The following ACTR3C variants were observed in gnomAD, a reference collection of about 807,000 sequenced individuals.
The protein encoded by ACTR3C is actin related protein 3C, also known as actin-related protein 3C.
A neutral mutation model predicts 26.3 loss-of-function variants in ACTR3C; 18 were observed. That is an observed-to-expected ratio of 0.68 (90% CI 0.47 to 1.01). The LOEUF (loss-of-function observed/expected upper bound fraction) is 1.01, where lower values mean the gene tolerates loss of function less well. Ranked by LOEUF, ACTR3C falls within the 50% of genes least tolerant of loss-of-function variation. The pLI, the probability that ACTR3C is intolerant of heterozygous loss-of-function variation, is 0.00. For synonymous variants in ACTR3C, 55 were observed against 94.5 expected (o/e 0.58, Z 2.42); for missense variants, 184 against 250.7 (o/e 0.73, Z 1.80).
At chr7:149,913,488 T>C in the ACTR3C span, among the ~76,000 whole-genome samples, 1 of 152,080 alleles carries the variant, frequency 6.6e-6, no homozygotes, top group Non-Finnish European at 1.5e-5. Context: ...TTTCCAGTTG[T>C]AGCATGGCTT....
the ACTR3C span, among the ~76,000 whole-genome samples, chr7:149,946,061 G>A: frequency 2.0e-4 from 30 of 152,184 alleles, 1 homozygote; most frequent in Non-Finnish European, 4.0e-4. Context: ...CACTTTGGTG[G>A]ATTCTCCCAA....
chr7:150,178,633 C>T, the ACTR3C span, among the ~76,000 whole-genome samples: 1 of 150,590 alleles, frequency 6.6e-6, no homozygotes, highest in Non-Finnish European at 1.5e-5. Context: ...GTAGTTACCA[C>T]AATCTACTGC....
the ACTR3C span, among the ~76,000 whole-genome samples, chr7:149,945,961 C>G: frequency 2.0e-5 from 3 of 152,148 alleles, no homozygotes; most frequent in African/African-American, 7.2e-5. Flanking sequence ...AGACAGGCGA[C>G]CTTGCCAGCC....
At chr7:150,087,885 A>C in the ACTR3C span, among the ~76,000 whole-genome samples, 1 of 152,256 alleles carries the variant, frequency 6.6e-6, no homozygotes, top group Non-Finnish European at 1.5e-5. Flanking sequence ...AACTGCCAAT[A>C]ACTAGGAAAA....
At chr7:150,161,219 T>C in the ACTR3C span, among the ~76,000 whole-genome samples, 5 of 115,312 alleles carry the variant, frequency 4.3e-5, 1 homozygote, top group Admixed American at 9.0e-5. Flanking sequence ...TATATATATA[T>C]ATATATTTAT....
At chr7:150,252,295 G>A (rs1303633637) in intron 6 of ACTR3C, among the ~76,000 whole-genome samples, 1 of 152,112 alleles carries the variant, frequency 6.6e-6, no homozygotes, top group Non-Finnish European at 1.5e-5. Context: ...GACATATAAA[G>A]TATTCATTGC....
the ACTR3C span, among the ~76,000 whole-genome samples, chr7:149,939,524 T>C: frequency 0.92 from 139,330 of 151,982 alleles, 64,526 homozygotes; most frequent in Non-Finnish European, 0.99. Flanking sequence ...AACTAGAGAA[T>C]GACTTCCCGT....
At chr7:150,177,820 G>C in the ACTR3C span, among the ~76,000 whole-genome samples, 10 of 150,604 alleles carry the variant, frequency 6.6e-5, no homozygotes, top group Non-Finnish European at 1.5e-5. Context: ...TTCAGGTATG[G>C]TTGTGCAAAG....
the ACTR3C span, among the ~76,000 whole-genome samples, chr7:150,236,700 A>G: frequency 6.6e-6 from 1 of 151,926 alleles, no homozygotes; most frequent in East Asian, 1.9e-4. Context: ...AGACTGTTCT[A>G]CATATCTTCT....
At chr7:149,970,198 G>A in the ACTR3C span, among the ~76,000 whole-genome samples, 3 of 151,710 alleles carry the variant, frequency 2.0e-5, no homozygotes, top group South Asian at 2.1e-4. Context: ...AAATGCTATC[G>A]TTCTGCACCA....
At chr7:150,208,009 C>T in the ACTR3C span, among the ~76,000 whole-genome samples, 2 of 152,122 alleles carry the variant, frequency 1.3e-5, no homozygotes, top group South Asian at 4.1e-4. Flanking sequence ...ATCCTCCTGC[C>T]CGAAACAAAT....
chr7:150,085,436 C>T, the ACTR3C span, among the ~76,000 whole-genome samples: 2 of 151,794 alleles, frequency 1.3e-5, no homozygotes, highest in Non-Finnish European at 1.5e-5. Flanking sequence ...GAGAGTGTTT[C>T]GAGATGGAAG....
At chr7:149,886,498 A>T in the ACTR3C span, among the ~76,000 whole-genome samples, 36 of 152,310 alleles carry the variant, frequency 2.4e-4, no homozygotes, top group African/African-American at 5.8e-4. Context: ...CTGGAAAAGC[A>T]GAGTATTGAG....
chr7:150,060,402 G>A, the ACTR3C span, among the ~76,000 whole-genome samples: 2 of 152,020 alleles, frequency 1.3e-5, no homozygotes, highest in African/African-American at 4.8e-5. Flanking sequence ...CAGCTTCATG[G>A]ATTTCTCTTT....
the ACTR3C span, among the ~76,000 whole-genome samples, chr7:150,096,796 G>C: frequency 2.0e-5 from 3 of 151,896 alleles, no homozygotes; most frequent in Admixed American, 6.6e-5. Flanking sequence ...TGGAGCCACA[G>C]AAATGAGGGG....
At chr7:150,155,329 T>C in the ACTR3C span, among the ~76,000 whole-genome samples, 1 of 151,946 alleles carries the variant, frequency 6.6e-6, no homozygotes, top group African/African-American at 2.4e-5. Context: ...CATCATTTCC[T>C]ACAGTCAGCA....
At chr7:150,017,187 C>A in the ACTR3C span, among the ~76,000 whole-genome samples, 1 of 151,792 alleles carries the variant, frequency 6.6e-6, no homozygotes, top group Non-Finnish European at 1.5e-5. Flanking sequence ...CCCTTGTACT[C>A]CTTCTCCATG....
At chr7:149,906,761 C>G in the ACTR3C span, among the ~76,000 whole-genome samples, 79 of 106,324 alleles carry the variant, frequency 7.4e-4, 1 homozygote, top group South Asian at 2.3e-3. Flanking sequence ...TGCAGCCTAA[C>G]TCTCTTCCCT....
chr7:150,184,042 A>G, the ACTR3C span, among the ~76,000 whole-genome samples: 1 of 150,732 alleles, frequency 6.6e-6, no homozygotes, highest in Admixed American at 6.6e-5. Flanking sequence ...CTGTGAGTCA[A>G]TTAAACTTCT....
Sources: gnomAD v4.1 joint callset for allele counts (sites outside exome capture counted in the v4.1 genomes callset) on GRCh38, gnomAD v4.1.1 for gene constraint, MANE v1.5 for transcripts, NCBI Gene and HGNC (gene_info 2026-07-23, HGNC 2026-07-21) for gene names.